MMP26: variants seen among roughly 807,000 people sequenced by gnomAD.
The protein encoded by MMP26 is matrix metalloproteinase-26.
Under a neutral mutation model 31.0 loss-of-function variants are expected in MMP26, and 33 were observed. The ratio of observed to expected loss-of-function variants is 1.06; its 90% confidence interval spans 0.81 to 1.42. The LOEUF is 1.42. MMP26 is among the 40% of genes most tolerant of loss of function. The pLI is 0.00. For synonymous variants in MMP26, 122 were observed against 114.9 expected (o/e 1.06, Z -0.40); for missense variants, 347 against 316.1 (o/e 1.10, Z -0.74).
At chr11:4,898,843 G>C (rs1009181612) in intron 2 of MMP26, among the ~76,000 whole-genome samples, 2,607 of 108,166 alleles carry the variant, frequency 0.024, 76 homozygotes, top group African/African-American at 0.1. Context: ...GTGTGTGTGT[G>C]TGTGTGTGTG....
chr11:4,770,629 G>A (rs983885475), intron 2 of MMP26, among the ~76,000 whole-genome samples: 11 of 152,112 alleles, frequency 7.2e-5, no homozygotes, highest in African/African-American at 2.7e-4. Flanking sequence ...CGGATCACGA[G>A]GTCAAGAGAT....
At chr11:4,750,790 G>A (rs1341194825) in intron 1 of MMP26, among the ~76,000 whole-genome samples, 2 of 151,984 alleles carry the variant, frequency 1.3e-5, no homozygotes, top group African/African-American at 2.4e-5. Flanking sequence ...GTGGAAGTGG[G>A]ATAGGGGAGG....
intron 1 of MMP26, among the ~76,000 whole-genome samples, chr11:4,762,497 G>T (rs1160044467): frequency 6.6e-6 from 1 of 152,066 alleles, no homozygotes; most frequent in Non-Finnish European, 1.5e-5. Context: ...TACAAATTAT[G>T]TTATAATAAT....
chr11:4,882,870 G>A (rs916396146), intron 2 of MMP26: 2 of 1,612,124 alleles, frequency 1.2e-6, no homozygotes, highest in African/African-American at 2.7e-5. Flanking sequence ...GGTCTTAGGG[G>A]AAGATGGGAT....
At chr11:4,728,445 C>T (rs1203211643) in intron 1 of MMP26, among the ~76,000 whole-genome samples, 1 of 152,142 alleles carries the variant, frequency 6.6e-6, no homozygotes, top group African/African-American at 2.4e-5. Context: ...AGTACAGAGG[C>T]CTTGTCCCCC....
At chr11:4,864,327 A>G (rs1850205836) in intron 2 of MMP26, among the ~76,000 whole-genome samples, 1 of 152,188 alleles carries the variant, frequency 6.6e-6, no homozygotes, top group Admixed American at 6.6e-5. Context: ...TGGTTACTCG[A>G]GCCTGTGCCT....
At chr11:4,709,987 A>T in intron 1 of MMP26, 1 of 456,788 alleles carries the variant, frequency 2.2e-6, no homozygotes, top group Non-Finnish European at 4.4e-6. Flanking sequence ...ATCTTAACCA[A>T]TTCACGGATT....
intron 2 of MMP26, among the ~76,000 whole-genome samples, chr11:4,808,204 A>T (rs990550864): frequency 1.1e-4 from 16 of 152,102 alleles, no homozygotes; most frequent in African/African-American, 3.9e-4. Flanking sequence ...ACAAGATCAC[A>T]CAGCAACTAA....
At chr11:4,794,399 A>G (rs1208724085) in intron 2 of MMP26, among the ~76,000 whole-genome samples, 1 of 152,164 alleles carries the variant, frequency 6.6e-6, no homozygotes, top group African/African-American at 2.4e-5. Flanking sequence ...AGTTACAACA[A>G]GCAATTTATC....
Position 4,914,733 on chromosome 11 carries a change from C to T in MMP26, c.-144-73335C>T, listed in dbSNP as rs760222804. 8.1e-6 allele frequency: 13 copies of T among 1,610,802 alleles called. No individual in the cohort carries two copies. The Admixed American group carries it at 2.0e-4, about 25-fold the overall frequency. On this transcript the variant is annotated intron_variant, in intron 2 of 7. Transcript: ENST00000380390. The stretch of plus-strand genomic sequence containing the variant: ...ACTAGACACAGTTAGTAACAAAAGG[C>T]ATGCGTCACTCGATCCCGGATCTGT...
At chr11:4,908,682 G>T (rs1850945254) in intron 2 of MMP26, 2 of 273,366 alleles carry the variant, frequency 7.3e-6, no homozygotes, top group Non-Finnish European at 1.4e-5. Flanking sequence ...GTCAAGGAAA[G>T]GTAAAATAGC....
At position 4,988,303 on chromosome 11, in the gene MMP26, T is replaced by C. The variant is rs1846936537; in HGVS notation, c.92T>C (p.Phe31Ser). The change falls in exon 3 of 8, where the codon TTT becomes TCT. Residue 31 changes from phenylalanine to serine, a missense_variant. Coordinates refer to ENST00000380390, the MANE Select transcript of MMP26 (RefSeq NM_021801.5). ...GCTGCAGACCATAAAGGATGGGACT[T>C]TGTTGAGGTAGGTGAACGACTCAGG... ...PPAADHKGWD[F>S]VEGYFHQFFL... The C allele has an allele frequency of 1.2e-6, 2 of 1,613,828 alleles. No homozygotes were observed. The highest frequency in any genetic ancestry group is 2.7e-5 in the African/African-American group (2 of 74,984).
intron 2 of MMP26, chr11:4,914,696 A>T (rs749158881): frequency 1.3e-6 from 2 of 1,542,268 alleles, no homozygotes; most frequent in South Asian, 2.3e-5. Flanking sequence ...TTCAGGAGAC[A>T]GTGGCTCTAA....
intron 1 of MMP26, among the ~76,000 whole-genome samples, chr11:4,759,131 A>T (rs1414347832): frequency 3.3e-5 from 5 of 151,422 alleles, no homozygotes; most frequent in Non-Finnish European, 7.4e-5. Flanking sequence ...AAAAAAAAAA[A>T]AAAAGACAAA....
At chr11:4,886,288 GC>G (rs773806277) in intron 2 of MMP26, among the ~76,000 whole-genome samples, 13 of 152,176 alleles carry the variant, frequency 8.5e-5, no homozygotes, top group Middle Eastern at 3.4e-3. Flanking sequence ...GAATCATACT[GC>G]CTGGGCTGAG....
chr11:4,804,023 C>A, intron 2 of MMP26: 3 of 1,613,896 alleles, frequency 1.9e-6, no homozygotes, highest in Non-Finnish European at 2.5e-6. Flanking sequence ...AGGGCCATAG[C>A]CATGAGCACC....
intron 2 of MMP26, among the ~76,000 whole-genome samples, chr11:4,904,068 T>G (rs1160410737): frequency 6.6e-6 from 1 of 152,104 alleles, no homozygotes; most frequent in Admixed American, 6.5e-5. Context: ...AAATATAAAT[T>G]ACTCTTGTCC....
chr11:4,711,705 C>G (rs182901007), intron 1 of MMP26: 1 of 152,254 alleles, frequency 6.6e-6, no homozygotes, highest in Admixed American at 6.5e-5. Flanking sequence ...GTTTAAAGTG[C>G]AGATTCCTCA....
In MMP26 at chr11:4,956,230, G is replaced by A. The variant is rs576044281; in HGVS notation, c.-144-31838G>A. Among the ~76,000 whole-genome samples the A allele has an allele frequency of 1.8e-4, 27 of 152,270 alleles. No individual in the cohort carries two copies. The South Asian group carries it at 5.6e-3, about 32-fold the overall frequency. On this transcript the variant is annotated intron_variant, in intron 2 of 7. Transcript: ENST00000380390. ...TTTTTGATAAAAGCTAAAGAATCCTGATATACAAACCCAAGGCATTGCTGA... is the reference window on the plus strand; with the variant it reads ...TTTTTGATAAAAGCTAAAGAATCCTAATATACAAACCCAAGGCATTGCTGA...
Sources: gnomAD v4.1 joint callset for allele counts (sites outside exome capture counted in the v4.1 genomes callset) on GRCh38, gnomAD v4.1.1 for gene constraint, MANE v1.5 for transcripts, NCBI Gene and HGNC (gene_info 2026-07-23, HGNC 2026-07-21) for gene names.